Variants in TBC1D22A observed in about 807,000 individuals in gnomAD.
The protein encoded by TBC1D22A is putative GTPase activator.
In TBC1D22A, 38 loss-of-function variants were observed where a neutral mutation model predicts 60.2. The ratio of observed to expected loss-of-function variants is 0.63; its 90% CI spans 0.49 to 0.83. The LOEUF (loss-of-function observed/expected upper bound fraction) is 0.83. Ranked by LOEUF, TBC1D22A falls within the 40% of genes least tolerant of loss-of-function variation. The probability of loss-of-function intolerance (pLI) is 0.00; values close to 1 mark genes in which losing one functional copy is unlikely to be tolerated. For missense variants in TBC1D22A, 628 were observed against 701.0 expected (o/e 0.90, Z 1.18); for synonymous variants, 302 against 281.7 (o/e 1.07, Z -0.72).
chr22:46,907,099 C>T (rs1465838132), intron 7 of TBC1D22A, among the ~76,000 whole-genome samples: 2 of 151,520 alleles, frequency 1.3e-5, no homozygotes, highest in Non-Finnish European at 2.9e-5. Context: ...GTGCTCTTCA[C>T]GTGTGTGCGC....
At chr22:46,997,735 T>G (rs780466720) in intron 10 of TBC1D22A, 26 bp downstream of exon 10, 1 of 1,610,042 alleles carries the variant, frequency 6.2e-7, no homozygotes, top group African/African-American at 1.3e-5. Flanking sequence ...GCGCAGCCCC[T>G]CTCTGTGGGC....
chr22:46,885,570 A>G (rs922809222), intron 5 of TBC1D22A, among the ~76,000 whole-genome samples: 59 of 152,228 alleles, frequency 3.9e-4, no homozygotes, highest in African/African-American at 1.4e-3. Flanking sequence ...CAGGCTTGAA[A>G]TAACAACAAG....
intron 10 of TBC1D22A, among the ~76,000 whole-genome samples, chr22:47,022,438 A>G (rs1603038532): frequency 6.6e-6 from 1 of 152,042 alleles, no homozygotes; most frequent in South Asian, 2.1e-4. Context: ...CTGAGTTTAG[A>G]CAGAACAGGG....
At chr22:46,812,721 C>T (rs973504385) in intron 4 of TBC1D22A, among the ~76,000 whole-genome samples, 8 of 152,214 alleles carry the variant, frequency 5.3e-5, no homozygotes, top group African/African-American at 1.9e-4. Context: ...GTAACTCAAA[C>T]TTTGGGATGG....
At chr22:47,092,273 G>A (rs528042386) in intron 11 of TBC1D22A, among the ~76,000 whole-genome samples, 5 of 152,192 alleles carry the variant, frequency 3.3e-5, no homozygotes, top group African/African-American at 7.2e-5. Flanking sequence ...CTGATAGATT[G>A]CAGGGGGAAT....
At chr22:46,802,236 G>C (rs910865) in intron 4 of TBC1D22A, among the ~76,000 whole-genome samples, 105,696 of 152,150 alleles carry the variant, frequency 0.69, 36,901 homozygotes, top group Middle Eastern at 0.84. Flanking sequence ...GGCTTGCGAG[G>C]GCCCTGCCCT....
rs1322788832 is a variant in TBC1D22A, at chr22:46,777,786, C to T, written c.63-14734C>T. On this transcript the variant is annotated intron_variant, in intron 1 of 12. Transcript: ENST00000337137. The surrounding 1 kb of genome is among the most constrained non-coding windows in gnomAD (Gnocchi z 4.5). ...GCTGGCTGCCAGGGTGGCGGAGCCG[C>T]TCCGAAAGTCATGCATCACTTAGCG... Among the ~76,000 whole-genome samples, 2 of 152,320 alleles carry T rather than the reference C, an allele frequency of 1.3e-5. No homozygotes were observed. Among genetic ancestry groups the T allele is most frequent in the East Asian group, 1.9e-4 (1 of 5,180 alleles).
At chr22:47,010,887 G>A (rs1017818645) in intron 10 of TBC1D22A, among the ~76,000 whole-genome samples, 1 of 152,116 alleles carries the variant, frequency 6.6e-6, no homozygotes, top group African/African-American at 2.4e-5. Flanking sequence ...TAATATATTA[G>A]GAATATACAC....
intron 12 of TBC1D22A, among the ~76,000 whole-genome samples, chr22:47,136,022 C>T (rs1421570669): frequency 6.6e-6 from 1 of 152,206 alleles, no homozygotes. Flanking sequence ...TAGGAGTTTG[C>T]AGATTCCAGG....
intron 6 of TBC1D22A, among the ~76,000 whole-genome samples, chr22:46,893,488 A>G (rs758597619): frequency 2.6e-5 from 4 of 152,186 alleles, no homozygotes; most frequent in Non-Finnish European, 4.4e-5. Flanking sequence ...TGCTCAATAA[A>G]TGTGTGACAG....
At chr22:47,097,666 A>T (rs750259512) in intron 11 of TBC1D22A, among the ~76,000 whole-genome samples, 3 of 152,224 alleles carry the variant, frequency 2.0e-5, no homozygotes, top group Non-Finnish European at 2.9e-5. Context: ...ATTAAAAGGA[A>T]GATAATTGAC....
At chr22:47,149,054 G>A (rs1421812912) in intron 12 of TBC1D22A, among the ~76,000 whole-genome samples, 2 of 150,744 alleles carry the variant, frequency 1.3e-5, no homozygotes, top group Non-Finnish European at 2.9e-5. Context: ...AAGGGAGAGA[G>A]TAAGTGTGGG....
At chr22:46,909,621 C>T (rs977185879) in intron 7 of TBC1D22A, among the ~76,000 whole-genome samples, 1 of 152,126 alleles carries the variant, frequency 6.6e-6, no homozygotes, top group Non-Finnish European at 1.5e-5. Flanking sequence ...GTGGAGTCAC[C>T]GCCTCTGTGT....
intron 11 of TBC1D22A, among the ~76,000 whole-genome samples, chr22:47,050,356 C>T (rs753913715): frequency 3.9e-5 from 6 of 152,214 alleles, no homozygotes; most frequent in African/African-American, 1.2e-4. Context: ...TCATTAACCT[C>T]GTTCTTCCTC....
intron 12 of TBC1D22A, among the ~76,000 whole-genome samples, chr22:47,132,821 C>T (rs1389297865): frequency 2.0e-5 from 3 of 150,482 alleles, no homozygotes; most frequent in East Asian, 3.8e-4. Flanking sequence ...AGGAAACTCC[C>T]GAGTGTCCGC....
intron 6 of TBC1D22A, among the ~76,000 whole-genome samples, chr22:46,892,610 T>G (rs931318420): frequency 2.0e-5 from 3 of 152,244 alleles, no homozygotes; most frequent in African/African-American, 7.2e-5. Context: ...AAATATTAGC[T>G]TACCTGGCCT....
At chr22:46,914,120 A>G (rs16995978) in intron 8 of TBC1D22A, 14,772 of 152,214 alleles carry the variant, frequency 0.097, 1,455 homozygotes, top group African/African-American at 0.25. Context: ...TATTTCTGTC[A>G]GTCAACTATT....
At chr22:47,039,704 G>GAAA (rs34793078) in intron 11 of TBC1D22A, among the ~76,000 whole-genome samples, 7,321 of 81,168 alleles carry the variant, frequency 0.09, 444 homozygotes, top group Non-Finnish European at 0.12. Flanking sequence ...TGCATTTCAG[G>GAAA]AAAAAAAAAA....
At chr22:47,096,399 C>G (rs182483832) in intron 11 of TBC1D22A, among the ~76,000 whole-genome samples, 1 of 152,286 alleles carries the variant, frequency 6.6e-6, no homozygotes, top group East Asian at 1.9e-4. Context: ...GGATACGAAT[C>G]CTTTGTCAGT....
Sources: gnomAD v4.1 joint callset for allele counts (sites outside exome capture counted in the v4.1 genomes callset) on GRCh38, gnomAD v4.1.1 for gene constraint, Gnocchi (gnomAD v3.1) non-coding constraint, MANE v1.5 for transcripts, NCBI Gene and HGNC (gene_info 2026-07-23, HGNC 2026-07-21) for gene names.